INSL6: variants seen among roughly 807,000 people sequenced by gnomAD.
INSL6 encodes the protein insulin-like peptide INSL6.
Under a neutral mutation model 9.4 loss-of-function variants are expected in INSL6, and 16 were observed. The observed-to-expected ratio is 1.70, with a 90% CI of 1.15 to 2.59. The LOEUF is 2.59. INSL6 is among the 30% of genes most tolerant of loss of function. The pLI is 0.00. For missense variants in INSL6, 391 were observed against 257.3 expected, an observed-to-expected ratio of 1.52 and a Z score of -3.56; for synonymous variants, 154 against 96.9, an observed-to-expected ratio of 1.59 and a Z score of -3.46.
At chr9:5,052,704 C>G in the INSL6 span, among the ~76,000 whole-genome samples, 1 of 151,998 alleles carries the variant, frequency 6.6e-6, no homozygotes, top group African/African-American at 2.4e-5. Flanking sequence ...GTGGATTTTC[C>G]TGTCTCAAAC....
the INSL6 span, among the ~76,000 whole-genome samples, chr9:5,018,765 G>T: frequency 6.6e-6 from 1 of 152,154 alleles, no homozygotes; most frequent in African/African-American, 2.4e-5. Context: ...GCTTAATGAA[G>T]GATAATTTTG....
chr9:4,997,300 T>C, the INSL6 span, among the ~76,000 whole-genome samples: 1 of 152,066 alleles, frequency 6.6e-6, no homozygotes, highest in Non-Finnish European at 1.5e-5. Flanking sequence ...GAAAAGAGAT[T>C]TAATTGGCTC....
the INSL6 span, among the ~76,000 whole-genome samples, chr9:5,087,215 G>C: frequency 1.2e-4 from 19 of 152,292 alleles, no homozygotes; most frequent in African/African-American, 4.3e-4. Flanking sequence ...ACCCATGGCT[G>C]GGGAGGCCTC....
the INSL6 span, chr9:5,097,484 TA>T: frequency 2.0e-5 from 3 of 152,196 alleles, no homozygotes; most frequent in African/African-American, 7.2e-5. Flanking sequence ...GTATGAGCCA[TA>T]ATATCTATTG....
chr9:5,077,556 G>T, the INSL6 span: 1 of 1,491,336 alleles, frequency 6.7e-7, no homozygotes, highest in Non-Finnish European at 8.9e-7. Context: ...TTGCTAAACA[G>T]TTGGCATGGG....
the INSL6 span, among the ~76,000 whole-genome samples, chr9:5,087,119 G>GT: frequency 5.3e-5 from 8 of 152,322 alleles, no homozygotes; most frequent in Admixed American, 5.2e-4. Context: ...CTTACTGGTT[G>GT]TATTAGTCTG....
At chr9:5,002,679 G>A in the INSL6 span, among the ~76,000 whole-genome samples, 1 of 151,872 alleles carries the variant, frequency 6.6e-6, no homozygotes, top group South Asian at 2.1e-4. Flanking sequence ...TATTTTTACT[G>A]ATTAAAAAAA....
chr9:5,059,355 A>G, the INSL6 span, among the ~76,000 whole-genome samples: 2 of 152,180 alleles, frequency 1.3e-5, no homozygotes, highest in Admixed American at 6.6e-5. Context: ...TTTAGTTAGT[A>G]TAATGTTTGG....
At chr9:5,113,167 C>T in the INSL6 span, among the ~76,000 whole-genome samples, 1 of 144,214 alleles carries the variant, frequency 6.9e-6, no homozygotes, top group Non-Finnish European at 1.5e-5. Flanking sequence ...TGCATCTTGG[C>T]CCTGTTGTCT....
At chr9:5,111,058 CTT>C in the INSL6 span, 1 of 1,123,962 alleles carries the variant, frequency 8.9e-7, no homozygotes, top group Non-Finnish European at 1.3e-6. Flanking sequence ...AGGTTCAGGT[CTT>C]GAGAACTGGC....
intron 1 of INSL6, among the ~76,000 whole-genome samples, chr9:5,173,725 G>A (rs986468369): frequency 9.2e-5 from 14 of 151,484 alleles, no homozygotes; most frequent in Non-Finnish European, 1.5e-4. Flanking sequence ...GTTTACCTAT[G>A]TAATGAACTT....
At chr9:5,024,878 C>T in the INSL6 span, among the ~76,000 whole-genome samples, 2 of 152,284 alleles carry the variant, frequency 1.3e-5, no homozygotes, top group Admixed American at 1.3e-4. Context: ...TGGCTCTGTT[C>T]ACTCCAGAGC....
the INSL6 span, among the ~76,000 whole-genome samples, chr9:5,052,767 G>T: frequency 1.3e-5 from 2 of 151,768 alleles, no homozygotes; most frequent in African/African-American, 2.4e-5. Context: ...TTTTTGTCTG[G>T]CTTCTTTCAC....
At position 5,163,895 on chromosome 9, in the gene INSL6, G is replaced by GA; in HGVS notation, c.*17dup. On this transcript the variant is annotated 3_prime_UTR_variant, in exon 2 of 2. Coordinates refer to ENST00000381641, the MANE Select transcript of INSL6 (RefSeq NM_007179.3). ...AATGTATTAAGCTTTTATTAGGTTA[G>GA]AAAAAATTCTAAGATGGTTAGTATA... 6.6e-7 allele frequency: 1 copy of GA among 1,505,082 alleles called. No homozygotes were observed. 93.2% of individuals were successfully genotyped at this position (1,505,082 alleles called of 1,614,324 possible).
At chr9:5,160,482 G>C (rs1375732594), downstream of INSL6, among the ~76,000 whole-genome samples, 4 of 152,082 alleles carry the variant, frequency 2.6e-5, no homozygotes, top group Non-Finnish European at 1.5e-5. Context: ...TAAAAGTGAA[G>C]TGCCTACATC....
chr9:4,995,614 C>T, the INSL6 span, among the ~76,000 whole-genome samples: 6 of 152,170 alleles, frequency 3.9e-5, no homozygotes, highest in Non-Finnish European at 7.4e-5. Flanking sequence ...TCCTCTGAAA[C>T]CATATTGTGA....
chr9:5,005,855 C>A, the INSL6 span, among the ~76,000 whole-genome samples: 1 of 152,142 alleles, frequency 6.6e-6, no homozygotes, highest in South Asian at 2.1e-4. Context: ...TGATCTATAT[C>A]TCTGTTTTGC....
intron 1 of INSL6, among the ~76,000 whole-genome samples, chr9:5,176,398 A>C (rs2130917284): frequency 6.6e-6 from 1 of 152,300 alleles, no homozygotes; most frequent in East Asian, 1.9e-4. Context: ...ATATTTACTT[A>C]ATAAAGCTCC....
the INSL6 span, among the ~76,000 whole-genome samples, chr9:5,086,591 C>CT: frequency 2.7e-3 from 410 of 151,970 alleles, 1 homozygote; most frequent in African/African-American, 9.4e-3. Flanking sequence ...CCTTCCAATA[C>CT]TTAAAAAAAA....
Sources: gnomAD v4.1 joint callset for allele counts (sites outside exome capture counted in the v4.1 genomes callset) on GRCh38, gnomAD v4.1.1 for gene constraint, MANE v1.5 for transcripts, NCBI Gene and HGNC (gene_info 2026-07-23, HGNC 2026-07-21) for gene names.